Variants in OR2V1 observed in about 807,000 individuals in gnomAD.
OR2V1 encodes olfactory receptor 2V1.
Under a neutral mutation model 15.0 loss-of-function variants are expected in OR2V1, and 18 were observed. The ratio of observed to expected loss-of-function variants is 1.20; its 90% confidence interval spans 0.83 to 1.78. The LOEUF is 1.78. OR2V1 is among the 40% of genes most tolerant of loss of function. OR2V1 has a pLI of 0.00. For missense variants in OR2V1, 359 were observed against 392.9 expected, an observed-to-expected ratio of 0.91 and a Z score of 0.73; for synonymous variants, 144 against 146.1, an observed-to-expected ratio of 0.99 and a Z score of 0.10.
intron 3 of OR2V1, among the ~76,000 whole-genome samples, chr5:181,126,682 A>T (rs1469711772): frequency 2.0e-5 from 3 of 152,104 alleles, no homozygotes; most frequent in Non-Finnish European, 4.4e-5. Context: ...ATGCACAGAC[A>T]CGCACAGAAA....
At chr5:181,126,234 C>T (rs1167428839) in intron 3 of OR2V1, among the ~76,000 whole-genome samples, 1 of 152,160 alleles carries the variant, frequency 6.6e-6, no homozygotes, top group Admixed American at 6.5e-5. Context: ...GTTATTGTAG[C>T]CTCTTCCCTG....
At chr5:181,126,843 G>A (rs1339805678) in intron 3 of OR2V1, among the ~76,000 whole-genome samples, 2 of 151,924 alleles carry the variant, frequency 1.3e-5, no homozygotes, top group Admixed American at 6.6e-5. Context: ...CACACACCCC[G>A]CACGTCCCTC....
intron 3 of OR2V1, among the ~76,000 whole-genome samples, chr5:181,126,455 C>G (rs562735117): frequency 0.027 from 4,037 of 147,686 alleles, 150 homozygotes; most frequent in African/African-American, 0.095. Context: ...CACACACACA[C>G]ACAGAGACAC....
At chr5:181,127,125 C>T (rs1272229444) in intron 3 of OR2V1, among the ~76,000 whole-genome samples, 1 of 152,248 alleles carries the variant, frequency 6.6e-6, no homozygotes, top group Non-Finnish European at 1.5e-5. Flanking sequence ...CCCACAGGCT[C>T]CCGTATTTGG....
intron 3 of OR2V1, among the ~76,000 whole-genome samples, chr5:181,126,807 C>T (rs1762878766): frequency 2.7e-5 from 4 of 150,836 alleles, no homozygotes; most frequent in Admixed American, 2.0e-4. Flanking sequence ...GTTACACACC[C>T]AGACACATGG....
chr5:181,126,459 G>C (rs1049083631), intron 3 of OR2V1, among the ~76,000 whole-genome samples: 67 of 128,652 alleles, frequency 5.2e-4, no homozygotes, highest in African/African-American at 1.7e-3. Context: ...CACACACACA[G>C]AGACACACAG....
Position 181,124,746 on chromosome 5 carries a change from T to G in OR2V1, c.559A>C (p.Lys187Gln). The stretch of plus-strand genomic sequence containing the variant: ...AGGGAAGTGTCTGCACAGGCCAGCT[T>G]CAATAAAGCTTGTACCTCACAGAAA... ...HFFCEVQALL[K>Q]LACADTSLFD... The change falls in exon 4 of 4, where the codon AAG becomes CAG. Residue 187 changes from lysine to glutamine, a missense_variant. Coordinates refer to ENST00000641551, the MANE Select transcript of OR2V1 (RefSeq NM_001258283.2). 2 of 1,607,976 alleles carry G rather than the reference T, an allele frequency of 1.2e-6. No individual in the cohort carries two copies. The highest frequency in any genetic ancestry group is 1.7e-6 in the Non-Finnish European group (2 of 1,178,970).
chr5:181,126,166 G>A (rs749073820), intron 3 of OR2V1, among the ~76,000 whole-genome samples: 19 of 151,874 alleles, frequency 1.3e-4, no homozygotes, highest in Non-Finnish European at 2.1e-4. Flanking sequence ...AATCTAATTC[G>A]CTTTTCCCAC....
chr5:181,127,914 C>A (rs771956887), intron 3 of OR2V1, among the ~76,000 whole-genome samples: 66 of 151,876 alleles, frequency 4.3e-4, no homozygotes, highest in Non-Finnish European at 9.0e-4. Flanking sequence ...CCACTCCCCC[C>A]TCCCCCAGTC....
At position 181,125,146 on chromosome 5, in the gene OR2V1, G is replaced by A. The variant is rs558986183; in HGVS notation, c.159C>T (p.Asp53=). The change falls in exon 4 of 4, where the codon GAC becomes GAT. Residue 53 remains aspartate, a synonymous_variant. Transcript: ENST00000641551. ...AGTACATGGGGGTGTGAAGTCCAGCGTCCAGGTAGATGAGGAAGATGAGGA... is the reference window on the plus strand; with the variant it reads ...AGTACATGGGGGTGTGAAGTCCAGCATCCAGGTAGATGAGGAAGATGAGGA... The part of the protein sequence containing the change: ...NVLLIFLIYL[D]AGLHTPMYFF... 20 of 1,614,164 alleles carry A rather than the reference G, an allele frequency of 1.2e-5. No homozygotes were observed. The highest frequency in any genetic ancestry group is 8.0e-5 in the African/African-American group (6 of 75,026).
rs1171653881 is a variant in OR2V1 at position 181,125,167 on chromosome 5, G to A, written c.138C>T (p.Leu46=). Residue 46 remains leucine (L), a synonymous_variant, in exon 4 of 4, where the codon CTC becomes CTT. Coordinates refer to ENST00000641551, the MANE Select transcript of OR2V1 (RefSeq NM_001258283.2). The part of the protein sequence containing the change: ...FTVALCGNVL[L]IFLIYLDAGL... ...CAGCGTCCAGGTAGATGAGGAAGAT[G>A]AGGAGGACATTCCCACAGAGGGCCA... 2 of 1,611,900 alleles carry A rather than the reference G, an allele frequency of 1.2e-6. No homozygotes were observed. The highest frequency in any genetic ancestry group is 1.4e-5 in the African/African-American group (1 of 72,946).
rs1469477471 is a variant in OR2V1 at position 181,125,054 on chromosome 5, G to A, written c.251C>T (p.Ala84Val). ...LVCNIVPKMA[A>V]NFLSGRKSIS... Reference sequence around the variant, plus strand: ...GGACTTCCTGCCAGACAGGAAGTTGGCTGCCATCTTTGGCACAATGTTACA... The same window carrying A: ...GGACTTCCTGCCAGACAGGAAGTTGACTGCCATCTTTGGCACAATGTTACA... The change falls in exon 4 of 4, where the codon GCC becomes GTC. Residue 84 changes from alanine (A) to valine (V), a missense_variant. Ala to Val is a moderately conservative substitution (Grantham distance 64). Transcript: ENST00000641551. 6.2e-7 allele frequency: 1 copy of A among 1,614,236 alleles called. No homozygotes were observed. The highest frequency in any genetic ancestry group is 8.5e-7 in the Non-Finnish European group (1 of 1,180,044).
At chr5:181,130,732 G>A (rs1762949920) in intron 1 of OR2V1, among the ~76,000 whole-genome samples, 1 of 152,198 alleles carries the variant, frequency 6.6e-6, no homozygotes, top group Non-Finnish European at 1.5e-5. Flanking sequence ...AGGGCCAGTG[G>A]GGACAGCGTG....
intron 3 of OR2V1, among the ~76,000 whole-genome samples, chr5:181,127,829 C>A (rs1392543154): frequency 6.6e-6 from 1 of 151,848 alleles, no homozygotes; most frequent in East Asian, 1.9e-4. Context: ...GATCCCCCAG[C>A]AGAAGAAGGG....
intron 3 of OR2V1, 29 bp from the exon 4 acceptor site, chr5:181,125,354 G>T: frequency 1.3e-6 from 2 of 1,519,328 alleles, no homozygotes; most frequent in South Asian, 2.4e-5. Context: ...TTATAAGATT[G>T]AGTGACATGT....
rs1253491414 is a variant in OR2V1, at chr5:181,124,435, A to T, written c.870T>A (p.Ile290=). ...TVLTPMLNPL[I]YSLRNGEVMG... ...TCACCTCCCCATTCCTCAAGCTGTA[A>T]ATGAGGGGGTTCAGCATGGGAGTAA... The change falls in exon 4 of 4, where the codon ATT becomes ATA. Residue 290 remains isoleucine (I), a synonymous_variant. Transcript: ENST00000641551. 6.2e-7 allele frequency: 1 copy of T among 1,613,690 alleles called. No individual in the cohort carries two copies. Among genetic ancestry groups the T allele is most frequent in the South Asian group, 1.1e-5 (1 of 91,042 alleles).
Position 181,124,753 on chromosome 5 carries a change from A to C in OR2V1, c.552T>G (p.Ala184=). 6.2e-7 allele frequency: 1 copy of C among 1,606,990 alleles called. No homozygotes were observed. Among genetic ancestry groups the C allele is most frequent in the Non-Finnish European group, 8.5e-7 (1 of 1,178,500 alleles). The change falls in exon 4 of 4, where the codon GCT becomes GCG. Residue 184 remains alanine (A), a synonymous_variant. Transcript: ENST00000641551. The part of the protein sequence containing the change: ...SVDHFFCEVQ[A]LLKLACADTS... ...TGTCTGCACAGGCCAGCTTCAATAAAGCTTGTACCTCACAGAAAAAGTGAT... is the reference window on the plus strand; with the variant it reads ...TGTCTGCACAGGCCAGCTTCAATAACGCTTGTACCTCACAGAAAAAGTGAT...
At position 181,125,106 on chromosome 5, in the gene OR2V1, G is replaced by C; in HGVS notation, c.199C>G (p.Leu67Val). 6.2e-7 allele frequency: 1 copy of C among 1,614,222 alleles called. No individual in the cohort carries two copies. Among genetic ancestry groups the C allele is most frequent in the African/African-American group, 1.3e-5 (1 of 75,070 alleles). ...ACCAACATGAGGTCCATGAGGGAGAGCTGGCTGAGGAAGAAGTACATGGGG... is the reference window on the plus strand; with the variant it reads ...ACCAACATGAGGTCCATGAGGGAGACCTGGCTGAGGAAGAAGTACATGGGG... ...HTPMYFFLSQLSLMDLMLVCN... is the reference protein window; with the variant it reads ...HTPMYFFLSQVSLMDLMLVCN... The change falls in exon 4 of 4, where the codon CTC becomes GTC. Residue 67 changes from leucine to valine, a missense_variant. Coordinates refer to ENST00000641551, the MANE Select transcript of OR2V1 (RefSeq NM_001258283.2).
In OR2V1 at chr5:181,125,285, T is replaced by C; in HGVS notation, c.20A>G (p.Gln7Arg). 6.2e-7 allele frequency: 1 copy of C among 1,612,650 alleles called. No homozygotes were observed. Among genetic ancestry groups the C allele is most frequent in the Non-Finnish European group, 8.5e-7 (1 of 1,179,370 alleles). The change falls in exon 4 of 4, where the codon CAG (glutamine) becomes CGG (arginine). Residue 7 changes from glutamine (Q) to arginine (R), a missense_variant. Physicochemically the swap from Gln to Arg is conservative, Grantham distance 43. Coordinates refer to ENST00000641551, the MANE Select transcript of OR2V1 (RefSeq NM_001258283.2). MGRWVN[Q>R]SYTDGFFLLG... ...GAGGAAGAAGCCATCTGTGTAGGAC[T>C]GGTTCACCCATCTTCCCATGGCTTA... is the stretch of plus-strand genomic sequence containing the variant.
Sources: allele counts gnomAD v4.1 joint callset (sites outside exome capture counted in the v4.1 genomes callset), GRCh38; gene constraint gnomAD v4.1.1; transcripts MANE v1.5; gene names NCBI Gene and HGNC (gene_info 2026-07-23, HGNC 2026-07-21).